Variants in DENND5A observed in about 807,000 individuals in gnomAD.
DENND5A encodes the protein DENN domain-containing protein 5A.
A neutral mutation model predicts 140.3 loss-of-function variants in DENND5A; 64 were observed. The observed-to-expected ratio is 0.46, with a 90% CI of 0.37 to 0.56. The LOEUF (loss-of-function observed/expected upper bound fraction) is 0.56, where lower values mean the gene tolerates loss of function less well. DENND5A is among the 20% of genes least tolerant of loss of function. The pLI is 0.00. For missense variants in DENND5A, 1,292 were observed against 1,593.8 expected (o/e 0.81, Z 3.22); for synonymous variants, 605 against 607.7 (o/e 1.00, Z 0.07).
chr11:9,222,975 AT>A lies in DENND5A; in HGVS notation c.110-15344del, dbSNP rs562532139. Among the ~76,000 whole-genome samples the A allele has an allele frequency of 1.1e-4, 17 of 152,390 alleles. No individual in the cohort carries two copies. The South Asian group carries it at 3.5e-3, about 32-fold the overall frequency. On this transcript the variant is annotated intron_variant, in intron 1 of 22. Transcript: ENST00000328194. Reference sequence around the variant, plus strand: ...TATAGCTGTAACTGATCATCCCTGCATCTATCATTTGAACTAGTCAAAGAAA... The same window carrying A: ...TATAGCTGTAACTGATCATCCCTGCACTATCATTTGAACTAGTCAAAGAAA...
intron 1 of DENND5A, among the ~76,000 whole-genome samples, chr11:9,241,108 GA>G (rs1851217339): frequency 6.6e-6 from 1 of 152,140 alleles, no homozygotes; most frequent in Non-Finnish European, 1.5e-5. Context: ...CCCATAACTA[GA>G]AAGTGAGGAA....
At chr11:9,243,112 A>AC (rs1296063396) in intron 1 of DENND5A, among the ~76,000 whole-genome samples, 2 of 150,156 alleles carry the variant, frequency 1.3e-5, no homozygotes, top group African/African-American at 4.9e-5. Flanking sequence ...AAACAAAAAA[A>AC]AAAACTGAGG....
At chr11:9,257,861 T>G (rs1258666883) in intron 1 of DENND5A, among the ~76,000 whole-genome samples, 2 of 149,412 alleles carry the variant, frequency 1.3e-5, no homozygotes, top group Admixed American at 1.3e-4. Context: ...GACGCCATCT[T>G]GGCTCACTGC....
At chr11:9,198,408 C>T (rs534189636) in intron 4 of DENND5A, among the ~76,000 whole-genome samples, 2 of 151,388 alleles carry the variant, frequency 1.3e-5, no homozygotes, top group East Asian at 3.9e-4. Context: ...GTCAAGAAAT[C>T]GAGACCATCC....
intron 1 of DENND5A, among the ~76,000 whole-genome samples, chr11:9,214,320 C>T (rs1411680106): frequency 1.3e-5 from 2 of 152,212 alleles, no homozygotes; most frequent in East Asian, 1.9e-4. Context: ...AATCAGAGGG[C>T]ATCACCTGTC....
intron 1 of DENND5A, among the ~76,000 whole-genome samples, chr11:9,248,145 G>C (rs1851558586): frequency 6.6e-6 from 1 of 152,018 alleles, no homozygotes; most frequent in South Asian, 2.1e-4. Flanking sequence ...ACCTCGCTTG[G>C]CTAATTTTTG....
chr11:9,166,450 C>A (rs1016065473), intron 10 of DENND5A, among the ~76,000 whole-genome samples: 2 of 152,078 alleles, frequency 1.3e-5, no homozygotes, highest in South Asian at 2.1e-4. Context: ...TAATTTAATT[C>A]TTGTATTAAA....
At chr11:9,190,605 T>C (rs1402045948) in intron 5 of DENND5A, among the ~76,000 whole-genome samples, 1 of 152,190 alleles carries the variant, frequency 6.6e-6, no homozygotes, top group Non-Finnish European at 1.5e-5. Context: ...ATTAAACCTC[T>C]TTCTTTTGTA....
At chr11:9,249,340 C>G (rs1851616655) in intron 1 of DENND5A, among the ~76,000 whole-genome samples, 1 of 151,822 alleles carries the variant, frequency 6.6e-6, no homozygotes. Flanking sequence ...CATTTACTGT[C>G]TTATAATTGT....
At chr11:9,206,621 A>C in intron 3 of DENND5A, 52 bp downstream of exon 3, 1 of 1,316,132 alleles carries the variant, frequency 7.6e-7, no homozygotes, top group South Asian at 1.2e-5. Context: ...TCACAATCCT[A>C]TTATAAATTA....
chr11:9,152,164 A>G (rs1263624688), intron 13 of DENND5A, among the ~76,000 whole-genome samples, 194 bp downstream of exon 13: 1 of 152,256 alleles, frequency 6.6e-6, no homozygotes, highest in Non-Finnish European at 1.5e-5. Flanking sequence ...GTATAGAAAT[A>G]CATAATGAAA....
At chr11:9,161,687 T>C (rs977765280) in intron 11 of DENND5A, among the ~76,000 whole-genome samples, 6 of 152,240 alleles carry the variant, frequency 3.9e-5, no homozygotes, top group African/African-American at 1.2e-4. Flanking sequence ...TCACAGTTTT[T>C]ATTAAGTACT....
chr11:9,160,199 A>C (rs1363816074), intron 12 of DENND5A, among the ~76,000 whole-genome samples: 1 of 152,258 alleles, frequency 6.6e-6, no homozygotes, highest in African/African-American at 2.4e-5. Flanking sequence ...ACCAATTGAA[A>C]ACAGAGTATT....
intron 1 of DENND5A, among the ~76,000 whole-genome samples, chr11:9,239,210 T>TAAA (rs1590322217): frequency 6.6e-6 from 1 of 151,974 alleles, no homozygotes; most frequent in East Asian, 1.9e-4. Flanking sequence ...TATTTATTTA[T>TAAA]TTAAGAGACA....
intron 12 of DENND5A, among the ~76,000 whole-genome samples, chr11:9,157,936 G>T (rs970032452): frequency 4.6e-5 from 7 of 152,142 alleles, no homozygotes; most frequent in African/African-American, 1.4e-4. Flanking sequence ...TCAAACCCAA[G>T]TCTTTCTGAC....
chr11:9,221,719 ATAATGTCTTCAAC>A (rs1850319863), intron 1 of DENND5A, among the ~76,000 whole-genome samples: 2 of 151,530 alleles, frequency 1.3e-5, no homozygotes, highest in African/African-American at 4.8e-5. Flanking sequence ...ATAATTGCCA[ATAATGTCTTCAAC>A]TAATTGAGAA....
chr11:9,259,257 T>C (rs557107163), intron 1 of DENND5A, among the ~76,000 whole-genome samples: 6 of 150,552 alleles, frequency 4.0e-5, no homozygotes, highest in Non-Finnish European at 8.9e-5. Context: ...CAAAACTCCA[T>C]CTCAAAAAAA....
chr11:9,160,046 C>T (rs1847927180), intron 12 of DENND5A, among the ~76,000 whole-genome samples: 1 of 152,148 alleles, frequency 6.6e-6, no homozygotes, highest in Non-Finnish European at 1.5e-5. Context: ...TACAACAGTA[C>T]CTGACATAGT....
In DENND5A at chr11:9,169,962, G is replaced by C; in HGVS notation, c.2058-13C>G. The C allele has an allele frequency of 6.3e-7, 1 of 1,586,410 alleles. No homozygotes were observed. Among genetic ancestry groups the C allele is most frequent in the Non-Finnish European group, 8.6e-7 (1 of 1,156,586 alleles). On this transcript the variant is annotated splice_polypyrimidine_tract_variant and intron_variant, in intron 9 of 22. Coordinates refer to ENST00000328194, the MANE Select transcript of DENND5A (RefSeq NM_015213.4). ...CCTTTTCGTCCACCTAACACAATCA[G>C]AACCAAAGCAGGCAATTAATAATGT...
Sources: gnomAD v4.1 joint callset for allele counts (sites outside exome capture counted in the v4.1 genomes callset) on GRCh38, gnomAD v4.1.1 for gene constraint, MANE v1.5 for transcripts, NCBI Gene and HGNC (gene_info 2026-07-23, HGNC 2026-07-21) for gene names.